The following CCDC169 variants were observed in gnomAD, a reference collection of about 807,000 sequenced individuals.
CCDC169 encodes the protein coiled-coil domain containing 169.
A neutral mutation model predicts 36.0 loss-of-function variants in CCDC169; 30 were observed. The ratio of observed to expected loss-of-function variants is 0.83; its 90% confidence interval spans 0.62 to 1.13. CCDC169 has a LOEUF of 1.13. Among genes scored for constraint, CCDC169 ranks in the 50% most tolerant of loss-of-function variants. The pLI, the probability that CCDC169 is intolerant of heterozygous loss-of-function variation, is 0.00. For missense variants in CCDC169, 245 were observed against 245.9 expected (o/e 1.00, Z 0.03); for synonymous variants, 85 against 81.5 (o/e 1.04, Z -0.23).
intron 4 of CCDC169, among the ~76,000 whole-genome samples, chr13:36,265,282 T>G (rs548147645): frequency 6.6e-6 from 1 of 152,228 alleles, no homozygotes; most frequent in African/African-American, 2.4e-5. Context: ...ATCACCATTT[T>G]CTTGTTGTGA....
chr13:36,258,070 G>A (rs1874139385), intron 4 of CCDC169, among the ~76,000 whole-genome samples: 1 of 138,466 alleles, frequency 7.2e-6, no homozygotes, highest in Non-Finnish European at 1.6e-5. Context: ...CCACTTGAAA[G>A]CCTCTGCAGA....
At chr13:36,229,651 C>T (rs1170691126), downstream of CCDC169, among the ~76,000 whole-genome samples, 1 of 149,844 alleles carries the variant, frequency 6.7e-6, no homozygotes, top group Non-Finnish European at 1.5e-5. Flanking sequence ...GATTCTCATG[C>T]CCCAGCCTCC....
At chr13:36,228,949 C>T (rs536511098), downstream of CCDC169, among the ~76,000 whole-genome samples, 13 of 152,278 alleles carry the variant, frequency 8.5e-5, no homozygotes, top group African/African-American at 2.9e-4. Flanking sequence ...GCAGTCATTG[C>T]TTCTTTGCAC....
At chr13:36,248,465 G>A (rs1407143061) in intron 7 of CCDC169, 141 bp downstream of exon 7, 2 of 685,622 alleles carry the variant, frequency 2.9e-6, no homozygotes, top group Non-Finnish European at 4.6e-6. Context: ...ACTTCTTTAA[G>A]TTCTCTTACC....
intron 4 of CCDC169, chr13:36,282,922 C>G (rs1230446647): frequency 6.5e-6 from 1 of 153,546 alleles, no homozygotes; most frequent in African/African-American, 2.4e-5. Flanking sequence ...TATCAAGAAG[C>G]AGGTAGACAG....
chr13:36,252,563 A>G (rs1274429297), intron 6 of CCDC169, among the ~76,000 whole-genome samples: 4 of 152,262 alleles, frequency 2.6e-5, no homozygotes, highest in African/African-American at 9.6e-5. Flanking sequence ...CTATGTCTTC[A>G]GGACTCCAAC....
chr13:36,261,546 A>C (rs1181854953), intron 4 of CCDC169, among the ~76,000 whole-genome samples: 2 of 152,178 alleles, frequency 1.3e-5, no homozygotes, highest in African/African-American at 4.8e-5. Context: ...TTTTTCACTC[A>C]AAAGGGCTCC....
rs188810435 is a variant in CCDC169, at chr13:36,257,994, G to A, written c.316-3851C>T. On this transcript the variant is annotated intron_variant, in intron 4 of 7. Coordinates refer to ENST00000239859, the MANE Select transcript of CCDC169 (RefSeq NM_001144981.3). ...CCAGAACCAGAAGCTGAGGAATGGC[G>A]AATGGAACATTTTCCCTGGTGTGAT... is the stretch of plus-strand genomic sequence containing the variant. Among the ~76,000 whole-genome samples, 44 of 152,252 alleles carry A rather than the reference G, an allele frequency of 2.9e-4. 1 individual carries two copies. The South Asian group carries it at 5.4e-3, about 19-fold the overall frequency.
intron 6 of CCDC169, among the ~76,000 whole-genome samples, chr13:36,250,344 C>T (rs1873003865): frequency 6.6e-6 from 1 of 152,068 alleles, no homozygotes; most frequent in South Asian, 2.1e-4. Flanking sequence ...TTGAAGAGGA[C>T]CCTGCAGAGA....
intron 7 of CCDC169, among the ~76,000 whole-genome samples, chr13:36,245,826 G>A (rs1294143064): frequency 6.6e-6 from 1 of 152,134 alleles, no homozygotes; most frequent in African/African-American, 2.4e-5. Flanking sequence ...TGGCACCCCT[G>A]TGTTAAGCAA....
At chr13:36,268,249 A>T (rs12870705) in intron 4 of CCDC169, among the ~76,000 whole-genome samples, 21,258 of 152,234 alleles carry the variant, frequency 0.14, 1,508 homozygotes, top group Admixed American at 0.18. Flanking sequence ...TAAATTTTTT[A>T]AAATTGAAAT....
intron 7 of CCDC169, among the ~76,000 whole-genome samples, chr13:36,235,118 A>G (rs1056132539): frequency 6.6e-6 from 1 of 152,050 alleles, no homozygotes; most frequent in Non-Finnish European, 1.5e-5. Flanking sequence ...CTTTTGGTAC[A>G]CTATTGAAAT....
At chr13:36,269,253 T>C (rs1194592065) in intron 4 of CCDC169, among the ~76,000 whole-genome samples, 2 of 152,086 alleles carry the variant, frequency 1.3e-5, no homozygotes, top group Non-Finnish European at 2.9e-5. Flanking sequence ...AGATCAATAA[T>C]AAGCAATGAG....
intron 2 of CCDC169, among the ~76,000 whole-genome samples, chr13:36,285,268 G>T (rs960588901): frequency 1.3e-5 from 2 of 152,150 alleles, no homozygotes; most frequent in Non-Finnish European, 2.9e-5. Context: ...AGACAAGCCA[G>T]CCAGGCACGG....
At chr13:36,224,034 C>A (rs957774099), downstream of CCDC169, 5 of 152,204 alleles carry the variant, frequency 3.3e-5, no homozygotes, top group Admixed American at 2.6e-4. Context: ...TATTTGAAAT[C>A]AATACTATAT....
chr13:36,233,960 C>G (rs1197653109), intron 7 of CCDC169, among the ~76,000 whole-genome samples: 1 of 152,270 alleles, frequency 6.6e-6, no homozygotes, highest in Admixed American at 6.5e-5. Context: ...ATGCTTTTCC[C>G]CAGATCTAGG....
intron 4 of CCDC169, among the ~76,000 whole-genome samples, chr13:36,275,006 C>A (rs1201574345): frequency 6.6e-6 from 1 of 151,838 alleles, no homozygotes; most frequent in Non-Finnish European, 1.5e-5. Context: ...GCAGCTGGGA[C>A]TACAGGCGCC....
intron 2 of CCDC169, among the ~76,000 whole-genome samples, chr13:36,284,289 G>T (rs1237736782): frequency 2.0e-5 from 3 of 151,886 alleles, no homozygotes; most frequent in Non-Finnish European, 2.9e-5. Context: ...TCACTTACGT[G>T]TCTGCCGTGT....
chr13:36,225,489 A>G (rs776185486), downstream of CCDC169: 1 of 152,304 alleles, frequency 6.6e-6, no homozygotes, highest in South Asian at 2.1e-4. Context: ...ACAGGCATGA[A>G]CTACTAGGCC....
Sources: allele counts gnomAD v4.1 joint callset (sites outside exome capture counted in the v4.1 genomes callset), GRCh38; gene constraint gnomAD v4.1.1; transcripts MANE v1.5; gene names NCBI Gene and HGNC (gene_info 2026-07-23, HGNC 2026-07-21).